Variants in METTL8 observed in about 807,000 individuals in gnomAD.
METTL8 encodes the protein methyltransferase 8, tRNA N3-cytidine, also known as tRNA N(3)-cytidine methyltransferase METTL8, mitochondrial.
Under a neutral mutation model 48.7 loss-of-function variants are expected in METTL8, and 32 were observed. The ratio of observed to expected loss-of-function variants is 0.66; its 90% CI spans 0.50 to 0.88. METTL8 has a LOEUF of 0.88. Among genes scored for constraint, METTL8 ranks in the 40% least tolerant of loss-of-function variants. The probability of loss-of-function intolerance (pLI) is 0.00; values close to 1 mark genes in which losing one functional copy is unlikely to be tolerated. For synonymous variants in METTL8, 136 were observed against 157.1 expected, an observed-to-expected ratio of 0.87 and a Z score of 1.01; for missense variants, 464 against 474.4, an observed-to-expected ratio of 0.98 and a Z score of 0.20.
intron 1 of METTL8, among the ~76,000 whole-genome samples, chr2:171,421,006 A>G (rs980187964): frequency 2.6e-5 from 4 of 152,220 alleles, no homozygotes; most frequent in African/African-American, 4.8e-5. Flanking sequence ...TCCATTATCA[A>G]TGGTTCTACT....
chr2:171,333,585 T>C (rs934496291), intron 5 of METTL8, among the ~76,000 whole-genome samples: 1 of 152,254 alleles, frequency 6.6e-6, no homozygotes, highest in Non-Finnish European at 1.5e-5. Flanking sequence ...TACTGCTTGG[T>C]CTTTTCTCAT....
chr2:171,374,546 T>G (rs943622865), intron 2 of METTL8, among the ~76,000 whole-genome samples: 1 of 152,108 alleles, frequency 6.6e-6, no homozygotes, highest in Non-Finnish European at 1.5e-5. Flanking sequence ...ACTTGGTAAG[T>G]TTTAATATAT....
intron 1 of METTL8, among the ~76,000 whole-genome samples, chr2:171,418,184 C>A (rs938988340): frequency 1.3e-5 from 2 of 152,160 alleles, no homozygotes; most frequent in African/African-American, 4.8e-5. Flanking sequence ...ACCTCATGAT[C>A]CACCCGTGTC....
Position 171,431,208 on chromosome 2 carries a change from A to G in METTL8, c.-13+2675T>C, listed in dbSNP as rs143268681. On this transcript the variant is annotated intron_variant, in intron 1 of 9. Transcript: ENST00000375258. ...GGGAATTTGCACAGGGGGCTTGCCT[A>G]AACATGCCCACAATAGAAAATTCCA... 1.1e-4 allele frequency among the ~76,000 whole-genome samples: 16 copies of G among 152,292 alleles called. No homozygotes were observed. The East Asian group carries it at 3.1e-3, about 29-fold the overall frequency.
chr2:171,424,326 T>A (rs977949768), intron 1 of METTL8, among the ~76,000 whole-genome samples: 1 of 152,038 alleles, frequency 6.6e-6, no homozygotes, highest in Non-Finnish European at 1.5e-5. Flanking sequence ...CTAGTGGAGA[T>A]GTGAGAAGAG....
intron 2 of METTL8, among the ~76,000 whole-genome samples, chr2:171,390,856 AGAC>A (rs1310609732): frequency 8.5e-5 from 13 of 152,260 alleles, no homozygotes; most frequent in Non-Finnish European, 1.9e-4. Flanking sequence ...GACATAATTT[AGAC>A]AACAAAGAAT....
chr2:171,397,763 C>T (rs1012642613), intron 1 of METTL8, among the ~76,000 whole-genome samples: 1 of 152,068 alleles, frequency 6.6e-6, no homozygotes, highest in Non-Finnish European at 1.5e-5. Flanking sequence ...ACCTTACAGA[C>T]ATTGAAAAGC....
chr2:171,396,258 T>C (rs144103679), intron 1 of METTL8, among the ~76,000 whole-genome samples: 127 of 148,866 alleles, frequency 8.5e-4, no homozygotes, highest in Non-Finnish European at 1.5e-3. Context: ...TGGGACTCTG[T>C]CTCAATGAAT....
chr2:171,404,074 T>TATAC (rs1553530212), intron 1 of METTL8, among the ~76,000 whole-genome samples: 3 of 110,756 alleles, frequency 2.7e-5, no homozygotes, highest in Non-Finnish European at 5.7e-5. Context: ...TATATATATA[T>TATAC]ATATATATAT....
intron 2 of METTL8, among the ~76,000 whole-genome samples, chr2:171,372,479 TTTATTATTA>T (rs376069568): frequency 2.0e-5 from 3 of 151,054 alleles, no homozygotes; most frequent in Non-Finnish European, 4.4e-5. Context: ...ATAATTTCTT[TTTATTATTA>T]TTATTATTAT....
At chr2:171,410,052 G>A (rs1690591629) in intron 1 of METTL8, among the ~76,000 whole-genome samples, 1 of 152,174 alleles carries the variant, frequency 6.6e-6, no homozygotes, top group South Asian at 2.1e-4. Flanking sequence ...GAATAATAAT[G>A]TCACAGCAAG....
In METTL8 at chr2:171,316,969, T is replaced by C. The variant is rs538094973; in HGVS notation, c.*7203A>G. 6.6e-6 allele frequency among the ~76,000 whole-genome samples: 1 copy of C among 152,250 alleles called. No individual in the cohort carries two copies. Among genetic ancestry groups the C allele is most frequent in the African/African-American group, 2.4e-5 (1 of 41,546 alleles). ...CATTCTTTACGCCAAGCATTCTGTTTAGCAGGACTGCCTCAGGAGGAACAC... is the reference window on the plus strand; with the variant it reads ...CATTCTTTACGCCAAGCATTCTGTTCAGCAGGACTGCCTCAGGAGGAACAC... On this transcript the variant is annotated 3_prime_UTR_variant, in exon 10 of 10. Transcript: ENST00000375258.
At chr2:171,393,707 T>C (rs191361334) in intron 1 of METTL8, among the ~76,000 whole-genome samples, 6 of 152,288 alleles carry the variant, frequency 3.9e-5, no homozygotes, top group Admixed American at 2.0e-4. Context: ...TGCTAAAAGG[T>C]GTGTGTATGT....
intron 2 of METTL8, among the ~76,000 whole-genome samples, chr2:171,367,928 C>A (rs903722190): frequency 6.6e-5 from 10 of 152,148 alleles, no homozygotes; most frequent in African/African-American, 2.4e-4. Context: ...CGAAACTATT[C>A]TCATAACAAT....
chr2:171,370,617 C>T (rs1686225802), intron 2 of METTL8, among the ~76,000 whole-genome samples: 1 of 151,962 alleles, frequency 6.6e-6, no homozygotes, highest in Non-Finnish European at 1.5e-5. Context: ...CAGTGAAACC[C>T]CATCTCTACT....
At chr2:171,372,381 AATACCATT>A (rs1686451631) in intron 2 of METTL8, among the ~76,000 whole-genome samples, 1 of 152,054 alleles carries the variant, frequency 6.6e-6, no homozygotes, top group African/African-American at 2.4e-5. Flanking sequence ...CTCTGATGTA[AATACCATT>A]ATCAGGATAA....
intron 2 of METTL8, 32 bp downstream of exon 2, chr2:171,392,011 C>T: frequency 6.5e-7 from 1 of 1,529,684 alleles, no homozygotes; most frequent in South Asian, 1.2e-5. Flanking sequence ...TTAAGAAACA[C>T]ACATAATATC....
intron 2 of METTL8, among the ~76,000 whole-genome samples, chr2:171,384,502 T>G (rs1006217158): frequency 3.5e-5 from 5 of 141,184 alleles, no homozygotes; most frequent in African/African-American, 1.3e-4. Flanking sequence ...AGGGCAAGAC[T>G]GTCTCAAATA....
At chr2:171,393,287 C>A (rs563403039) in intron 1 of METTL8, among the ~76,000 whole-genome samples, 1 of 151,348 alleles carries the variant, frequency 6.6e-6, no homozygotes, top group South Asian at 2.1e-4. Flanking sequence ...GGTGATGGTG[C>A]ACATCTGTGG....
Sources: allele counts gnomAD v4.1 joint callset (sites outside exome capture counted in the v4.1 genomes callset), GRCh38; gene constraint gnomAD v4.1.1; transcripts MANE v1.5; gene names NCBI Gene and HGNC (gene_info 2026-07-23, HGNC 2026-07-21).